The following HSPA12A variants were observed in gnomAD, a reference collection of about 807,000 sequenced individuals.
The protein encoded by HSPA12A is heat shock protein family A (Hsp70) member 12A.
Under a neutral mutation model 69.2 loss-of-function variants are expected in HSPA12A, and 28 were observed. The observed-to-expected ratio is 0.40, with a 90% confidence interval of 0.30 to 0.55. The LOEUF is 0.55. Ranked by LOEUF, HSPA12A falls within the 20% of genes least tolerant of loss-of-function variation. HSPA12A has a pLI of 0.38. For missense variants in HSPA12A, 686 were observed against 900.7 expected (o/e 0.76, Z 3.05); for synonymous variants, 345 against 370.5 (o/e 0.93, Z 0.79).
intron 2 of HSPA12A, among the ~76,000 whole-genome samples, chr10:116,792,466 T>C (rs745549368): frequency 1.3e-5 from 2 of 151,050 alleles, no homozygotes; most frequent in Non-Finnish European, 2.9e-5. Context: ...ACAAAATAAA[T>C]CCAAAGCAAG....
In HSPA12A at chr10:116,705,372, A is replaced by G. The variant is rs544150965; in HGVS notation, c.127-94T>C. 6 of 1,392,426 alleles carry G rather than the reference A, an allele frequency of 4.3e-6. No individual in the cohort carries two copies. In the African/African-American group the frequency reaches 8.5e-5, roughly 20 times the overall value. 86.3% of individuals were successfully genotyped at this position (1,392,426 alleles called of 1,614,324 possible). A position where few individuals can be genotyped will look rare whatever the true frequency, so the allele number is the denominator to read the frequency against. The stretch of plus-strand genomic sequence containing the variant: ...GGGGTCTCACCTTGCCTAGCTGTGA[A>G]CCCCCTGCAGACAGAAAGACATTCT... On this transcript the variant is annotated intron_variant, in intron 2 of 11. Coordinates refer to ENST00000369209, the MANE Select transcript of HSPA12A (RefSeq NM_025015.3).
chr10:116,694,353 G>C (rs1849820622), intron 5 of HSPA12A, among the ~76,000 whole-genome samples: 1 of 152,130 alleles, frequency 6.6e-6, no homozygotes, highest in Non-Finnish European at 1.5e-5. Flanking sequence ...CCCTGGCAAG[G>C]TCTAGCTCCT....
Position 116,679,577 on chromosome 10 carries a change from G to A in HSPA12A, c.1212C>T (p.Thr404=), listed in dbSNP as rs1849343252. ...AGTAGTCAATGAAGGAGAAGGGCAG[G>A]GTGATGTTCAGCGGGTTAGTTCTGT... ...APDRTNPLNI[T]LPFSFIDYYK... is the part of the protein sequence containing the mutation. Residue 404 remains threonine (T), a synonymous_variant, in exon 10 of 12, where the codon ACC becomes ACT. Transcript: ENST00000369209. The A allele has an allele frequency of 1.9e-6, 3 of 1,614,126 alleles. No individual in the cohort carries two copies. The highest frequency in any genetic ancestry group is 1.7e-5 in the Admixed American group (1 of 60,016).
chr10:116,678,056 T>C (rs1554878061), intron 10 of HSPA12A, among the ~76,000 whole-genome samples: 1 of 151,812 alleles, frequency 6.6e-6, no homozygotes, highest in African/African-American at 2.4e-5. Context: ...AAGTGAGCTG[T>C]AGTTCAGGGC....
chr10:116,787,475 T>G, intron 2 of HSPA12A, among the ~76,000 whole-genome samples: 2 of 146,994 alleles, frequency 1.4e-5, no homozygotes, highest in Non-Finnish European at 1.5e-5. Flanking sequence ...CACAGGCGCC[T>G]TCTGTGAAGT....
At chr10:116,795,134 G>A (rs1844789597) in intron 2 of HSPA12A, among the ~76,000 whole-genome samples, 1 of 152,124 alleles carries the variant, frequency 6.6e-6, no homozygotes, top group South Asian at 2.1e-4. Flanking sequence ...GGTCTCTACA[G>A]AGCTCAGTTC....
At chr10:116,706,942 C>A (rs1374423793) in intron 2 of HSPA12A, among the ~76,000 whole-genome samples, 2 of 152,180 alleles carry the variant, frequency 1.3e-5, no homozygotes, top group African/African-American at 4.8e-5. Context: ...CCCACCCAGG[C>A]CCCTGCTCCA....
chr10:116,777,057 G>A (rs1156630219), intron 2 of HSPA12A, among the ~76,000 whole-genome samples: 1 of 152,218 alleles, frequency 6.6e-6, no homozygotes, highest in East Asian at 1.9e-4. Context: ...TGGCTCCTGT[G>A]TAGCCCGCTG....
chr10:116,777,133 C>A (rs1638406), intron 2 of HSPA12A, among the ~76,000 whole-genome samples: 4 of 151,896 alleles, frequency 2.6e-5, no homozygotes, highest in Non-Finnish European at 4.4e-5. Context: ...GCTGCAGATG[C>A]GCCCCTTTTC....
chr10:116,729,691 T>C (rs1164111142), intron 1 of HSPA12A, among the ~76,000 whole-genome samples: 2 of 152,180 alleles, frequency 1.3e-5, no homozygotes, highest in African/African-American at 2.4e-5. Context: ...TTCCAATATA[T>C]GTATTGAAAA....
chr10:116,699,238 T>C (rs1483272375), intron 4 of HSPA12A, among the ~76,000 whole-genome samples: 1 of 152,124 alleles, frequency 6.6e-6, no homozygotes, highest in Non-Finnish European at 1.5e-5. Flanking sequence ...ATAGAAGAGC[T>C]CCTATTTTAA....
At chr10:116,828,291 CAG>C (rs1161957331) in intron 2 of HSPA12A, among the ~76,000 whole-genome samples, 1 of 152,134 alleles carries the variant, frequency 6.6e-6, no homozygotes, top group East Asian at 1.9e-4. Flanking sequence ...AGGTGAAAAA[CAG>C]AACTCTCAAA....
chr10:116,827,189 G>A (rs1845524347), intron 2 of HSPA12A, among the ~76,000 whole-genome samples: 1 of 152,192 alleles, frequency 6.6e-6, no homozygotes, highest in African/African-American at 2.4e-5. Flanking sequence ...ACCTTCAGGG[G>A]TCACAATATC....
intron 2 of HSPA12A, chr10:116,832,735 C>G (rs528782051): frequency 1.3e-5 from 2 of 152,290 alleles, no homozygotes; most frequent in Admixed American, 6.5e-5. Context: ...TAACTTGGCA[C>G]GCAGAACAGC....
At chr10:116,689,812 A>C (rs1326334772) in intron 6 of HSPA12A, among the ~76,000 whole-genome samples, 19 of 152,130 alleles carry the variant, frequency 1.2e-4, no homozygotes, top group African/African-American at 3.4e-4. Flanking sequence ...AAAAAAAAAA[A>C]AAAACAATGA....
chr10:116,711,706 C>T (rs1589651549), intron 1 of HSPA12A, among the ~76,000 whole-genome samples: 1 of 147,032 alleles, frequency 6.8e-6, no homozygotes, highest in South Asian at 2.2e-4. Flanking sequence ...GCTCTGTCGC[C>T]CAGGCTGAGT....
chr10:116,839,968 C>T (rs1285116636), intron 1 of HSPA12A, among the ~76,000 whole-genome samples: 1 of 151,792 alleles, frequency 6.6e-6, no homozygotes, highest in Non-Finnish European at 1.5e-5. Context: ...AAGGCATGCC[C>T]CTAGTGAATT....
At chr10:116,821,621 G>A (rs1026442607) in intron 2 of HSPA12A, among the ~76,000 whole-genome samples, 2 of 152,358 alleles carry the variant, frequency 1.3e-5, no homozygotes, top group Non-Finnish European at 2.9e-5. Context: ...CTTTTATCCA[G>A]TGCTGCATAA....
At chr10:116,821,885 C>T (rs150176776) in intron 2 of HSPA12A, among the ~76,000 whole-genome samples, 18 of 152,292 alleles carry the variant, frequency 1.2e-4, no homozygotes, top group Non-Finnish European at 2.2e-4. Context: ...CAGAACCTGC[C>T]ATTGGGTCTG....
Sources: gnomAD v4.1 joint callset for allele counts (sites outside exome capture counted in the v4.1 genomes callset) on GRCh38, gnomAD v4.1.1 for gene constraint, MANE v1.5 for transcripts, NCBI Gene and HGNC (gene_info 2026-07-23, HGNC 2026-07-21) for gene names.